Variants in GLMN observed in about 807,000 individuals in gnomAD.
The protein encoded by GLMN is glomulin, FKBP associated protein, also known as glomulin.
Under a neutral mutation model 87.8 loss-of-function variants are expected in GLMN, and 75 were observed. The ratio of observed to expected loss-of-function variants is 0.85; its 90% confidence interval spans 0.71 to 1.04. The LOEUF (loss-of-function observed/expected upper bound fraction) is 1.04. Ranked by LOEUF, GLMN falls within the 50% of genes least tolerant of loss-of-function variation. GLMN has a pLI of 0.00. For missense variants in GLMN, 588 were observed against 658.8 expected, an observed-to-expected ratio of 0.89 and a Z score of 1.18; for synonymous variants, 206 against 221.6, an observed-to-expected ratio of 0.93 and a Z score of 0.63.
At position 92,290,201 on chromosome 1, in the gene GLMN, T is replaced by C; in HGVS notation, c.391A>G (p.Thr131Ala). 6.5e-7 allele frequency: 1 copy of C among 1,547,844 alleles called. No homozygotes were observed. The highest frequency in any genetic ancestry group is 8.9e-7 in the Non-Finnish European group (1 of 1,120,014). ...SILLLLQPLQ[T>A]VIQKLHNKAY... is the part of the protein sequence containing the mutation. ...CTGATATCAAAATTCTCATTACCTG[T>C]TTGTAATGGCTGAAGCAAAAGAAGA... is the stretch of plus-strand genomic sequence containing the variant. Residue 131 changes from threonine (T) to alanine (A), a missense_variant, in exon 5 of 19, where the codon ACA becomes GCA. By Grantham distance (58) the Thr-to-Ala change is moderately conservative (BLOSUM62 0). Coordinates refer to ENST00000370360, the MANE Select transcript of GLMN (RefSeq NM_053274.3).
chr1:92,322,981 TTA>T, the GLMN span, among the ~76,000 whole-genome samples: 2 of 147,332 alleles, frequency 1.4e-5, no homozygotes, highest in South Asian at 4.2e-4. Flanking sequence ...CAAGTATATA[TTA>T]TATATGTAAA....
the GLMN span, among the ~76,000 whole-genome samples, chr1:92,338,491 T>G: frequency 6.6e-6 from 1 of 152,168 alleles, no homozygotes; most frequent in Non-Finnish European, 1.5e-5. Context: ...ATTTAACAAC[T>G]GTCTACACTG....
chr1:92,355,108 G>T, the GLMN span, among the ~76,000 whole-genome samples: 277 of 151,922 alleles, frequency 1.8e-3, no homozygotes, highest in Admixed American at 5.6e-3. Context: ...TGACCACATT[G>T]CCTAGGCTGG....
At chr1:92,317,884 G>A in the GLMN span, among the ~76,000 whole-genome samples, 1 of 152,122 alleles carries the variant, frequency 6.6e-6, no homozygotes, top group African/African-American at 2.4e-5. Flanking sequence ...TATATATTTT[G>A]ATTACCATTT....
chr1:92,309,556 CACATACACATACACATATACATAT>C, the GLMN span, among the ~76,000 whole-genome samples: 1 of 70,410 alleles, frequency 1.4e-5, no homozygotes, highest in Non-Finnish European at 2.8e-5. Context: ...CATACACATA[CACATACACATACACATATACATAT>C]ACATACACAT....
intron 6 of GLMN, among the ~76,000 whole-genome samples, chr1:92,288,495 A>G (rs1570963408): frequency 6.6e-6 from 1 of 152,276 alleles, no homozygotes; most frequent in East Asian, 1.9e-4. Context: ...GTGGCCAATC[A>G]TCATTCACTG....
At chr1:92,310,384 G>A in the GLMN span, among the ~76,000 whole-genome samples, 1,886 of 152,184 alleles carry the variant, frequency 0.012, 46 homozygotes, top group African/African-American at 0.042. Flanking sequence ...GCACATTTAA[G>A]CTCTACAGAA....
At chr1:92,293,656 C>T (rs1649686827) in intron 3 of GLMN, among the ~76,000 whole-genome samples, 1 of 152,086 alleles carries the variant, frequency 6.6e-6, no homozygotes, top group Non-Finnish European at 1.5e-5. Context: ...TATTTGCACT[C>T]CCATGTTCAT....
At chr1:92,345,784 G>C in the GLMN span, 1 of 1,030,224 alleles carries the variant, frequency 9.7e-7, no homozygotes, top group Non-Finnish European at 1.5e-6. Flanking sequence ...ATGTTATCTA[G>C]AAAGAAATAG....
At chr1:92,316,793 G>A in the GLMN span, among the ~76,000 whole-genome samples, 2 of 152,274 alleles carry the variant, frequency 1.3e-5, no homozygotes, top group South Asian at 4.1e-4. Context: ...AAAGAGCAAT[G>A]TAACTTGGTG....
chr1:92,291,001 A>G (rs529197392), intron 4 of GLMN, among the ~76,000 whole-genome samples: 1 of 152,224 alleles, frequency 6.6e-6, no homozygotes, highest in African/African-American at 2.4e-5. Flanking sequence ...TAGGCCTTCC[A>G]TTTTCTTTTA....
chr1:92,306,251 C>A, the GLMN span, among the ~76,000 whole-genome samples: 1 of 152,040 alleles, frequency 6.6e-6, no homozygotes, highest in Non-Finnish European at 1.5e-5. Flanking sequence ...GGTTTCAGTT[C>A]TGTAAGATAA....
intron 14 of GLMN, among the ~76,000 whole-genome samples, chr1:92,264,003 G>C (rs1655329052): frequency 6.6e-6 from 1 of 152,060 alleles, no homozygotes; most frequent in Non-Finnish European, 1.5e-5. Flanking sequence ...ATATAACAAA[G>C]CAAAAATAAG....
At chr1:92,352,638 T>C in the GLMN span, among the ~76,000 whole-genome samples, 3 of 152,224 alleles carry the variant, frequency 2.0e-5, no homozygotes, top group African/African-American at 7.2e-5. Context: ...TTTTTTATAT[T>C]TCCTTACAAC....
chr1:92,267,442 A>G (rs1655760288), intron 11 of GLMN, among the ~76,000 whole-genome samples: 1 of 152,086 alleles, frequency 6.6e-6, no homozygotes, highest in Non-Finnish European at 1.5e-5. Context: ...GGTGGCTCAC[A>G]CCTGTAATCC....
chr1:92,309,580 T>C, the GLMN span, among the ~76,000 whole-genome samples: 474 of 147,900 alleles, frequency 3.2e-3, no homozygotes, highest in Non-Finnish European at 4.7e-3. Context: ...CATATACATA[T>C]ACATACACAT....
At chr1:92,299,413 G>A (rs555542118), upstream of GLMN, among the ~76,000 whole-genome samples, 24 of 152,222 alleles carry the variant, frequency 1.6e-4, no homozygotes, top group Non-Finnish European at 3.1e-4. Context: ...TGGAGGCCCC[G>A]GGAACCCAGG....
chr1:92,283,886 T>C (rs1428098428), intron 7 of GLMN, among the ~76,000 whole-genome samples: 1 of 152,034 alleles, frequency 6.6e-6, no homozygotes, highest in Non-Finnish European at 1.5e-5. Context: ...ACAAAGAGAA[T>C]AAAATAGCTA....
chr1:92,297,059 A>C (rs1041508842), intron 3 of GLMN, among the ~76,000 whole-genome samples: 2 of 151,830 alleles, frequency 1.3e-5, no homozygotes, highest in Non-Finnish European at 2.9e-5. Flanking sequence ...TTAGTTGTTT[A>C]CATGTTTATG....
Sources: allele counts gnomAD v4.1 joint callset (sites outside exome capture counted in the v4.1 genomes callset), GRCh38; gene constraint gnomAD v4.1.1; transcripts MANE v1.5; gene names NCBI Gene and HGNC (gene_info 2026-07-23, HGNC 2026-07-21).